Variants in OLFM3 observed in about 807,000 individuals in gnomAD.
The protein encoded by OLFM3 is noelin-3.
OLFM3 carries 20 observed loss-of-function variants against 48.6 expected under a neutral mutation model. That is an observed-to-expected ratio of 0.41 (90% CI 0.29 to 0.60). The LOEUF (loss-of-function observed/expected upper bound fraction) is 0.60. OLFM3 is among the 20% of genes least tolerant of loss of function. The pLI, the probability that OLFM3 is intolerant of heterozygous loss-of-function variation, is 0.28. For missense variants in OLFM3, 437 were observed against 544.3 expected (o/e 0.80, Z 1.96); for synonymous variants, 222 against 198.1 (o/e 1.12, Z -1.01).
chr1:101,863,059 G>A (rs1251918581), intron 1 of OLFM3, among the ~76,000 whole-genome samples: 1 of 149,324 alleles, frequency 6.7e-6, no homozygotes, highest in Non-Finnish European at 1.5e-5. Context: ...CTCCCATGTT[G>A]AAGCAATTCT....
chr1:101,970,560 T>C (rs1411348717), intron 1 of OLFM3, among the ~76,000 whole-genome samples: 1 of 152,220 alleles, frequency 6.6e-6, no homozygotes, highest in African/African-American at 2.4e-5. Flanking sequence ...TATTTACTGG[T>C]ACCTACTTCC....
rs371648520 is a variant in OLFM3 at position 101,992,813 on chromosome 1, G to A, written c.69+3935C>T. Among the ~76,000 whole-genome samples the A allele has an allele frequency of 2.2e-4, 34 of 152,182 alleles. No individual in the cohort carries two copies. The South Asian group carries it at 2.7e-3, about 12-fold the overall frequency. ...ATATAATTATTAAAATATTCCTACT[G>A]CTTATCATGCCTATAGGGCTTTAAA... On this transcript the variant is annotated intron_variant, in intron 1 of 5. Transcript: ENST00000370103.
chr1:101,918,672 GT>G (rs1659002237), intron 1 of OLFM3, among the ~76,000 whole-genome samples: 3 of 151,100 alleles, frequency 2.0e-5, no homozygotes, highest in East Asian at 3.9e-4. Context: ...CAGCTGCAAA[GT>G]TTTTTTGTCC....
intron 1 of OLFM3, among the ~76,000 whole-genome samples, chr1:101,962,659 A>T (rs1369261718): frequency 6.6e-6 from 1 of 152,202 alleles, no homozygotes; most frequent in Admixed American, 6.5e-5. Context: ...AGTCTTGATT[A>T]AGAAATTATC....
chr1:101,928,597 C>T (rs562330214), intron 1 of OLFM3, among the ~76,000 whole-genome samples: 1 of 152,188 alleles, frequency 6.6e-6, no homozygotes, highest in African/African-American at 2.4e-5. Flanking sequence ...TTCACTCATT[C>T]CTGGTGAACA....
chr1:101,971,335 T>A (rs182788348), intron 1 of OLFM3, among the ~76,000 whole-genome samples: 1 of 152,158 alleles, frequency 6.6e-6, no homozygotes, highest in East Asian at 1.9e-4. Context: ...AGTTTTTGCA[T>A]TGGAATTTGG....
chr1:101,890,413 T>C (rs779336645), intron 1 of OLFM3, among the ~76,000 whole-genome samples: 1 of 151,754 alleles, frequency 6.6e-6, no homozygotes, highest in African/African-American at 2.4e-5. Flanking sequence ...AGAAAACTAT[T>C]GTGAGGAAAT....
chr1:101,993,188 G>A (rs558802185), intron 1 of OLFM3, among the ~76,000 whole-genome samples: 1 of 152,248 alleles, frequency 6.6e-6, no homozygotes, highest in East Asian at 1.9e-4. Flanking sequence ...TTTGAAACCT[G>A]CTCAGTCATA....
chr1:101,906,850 AAT>A (rs1191023039), intron 1 of OLFM3, among the ~76,000 whole-genome samples: 1 of 152,198 alleles, frequency 6.6e-6, no homozygotes, highest in Non-Finnish European at 1.5e-5. Flanking sequence ...AAGCATTTCA[AAT>A]ATGACACACA....
intron 1 of OLFM3, among the ~76,000 whole-genome samples, chr1:101,978,159 G>T (rs1269923946): frequency 6.6e-6 from 1 of 152,110 alleles, no homozygotes; most frequent in Non-Finnish European, 1.5e-5. Flanking sequence ...TCCCTTGAGG[G>T]AGGTATTATT....
At chr1:101,962,355 A>G (rs1410946161) in intron 1 of OLFM3, among the ~76,000 whole-genome samples, 1 of 152,116 alleles carries the variant, frequency 6.6e-6, no homozygotes, top group Non-Finnish European at 1.5e-5. Flanking sequence ...AGTTATAGTA[A>G]AGTGGGCTTT....
intron 1 of OLFM3, among the ~76,000 whole-genome samples, chr1:101,940,994 G>A (rs369821384): frequency 9.2e-5 from 14 of 152,144 alleles, no homozygotes; most frequent in African/African-American, 3.4e-4. Flanking sequence ...ACAATAGGCT[G>A]TAGGTAAAAT....
chr1:101,903,721 G>C (rs1658463381), intron 1 of OLFM3, among the ~76,000 whole-genome samples: 3 of 151,962 alleles, frequency 2.0e-5, no homozygotes, highest in South Asian at 2.1e-4. Flanking sequence ...AAACCATTTT[G>C]TAAAAATACA....
intron 1 of OLFM3, chr1:101,847,099 T>C (rs188588087): frequency 2.9e-6 from 4 of 1,373,704 alleles, no homozygotes; most frequent in African/African-American, 1.4e-5. Flanking sequence ...CCAGCTCTAA[T>C]CACCCAGGAA....
chr1:101,932,885 C>T (rs1421707371), intron 1 of OLFM3, among the ~76,000 whole-genome samples: 1 of 151,906 alleles, frequency 6.6e-6, no homozygotes, highest in African/African-American at 2.4e-5. Flanking sequence ...AAAACCCAAT[C>T]CAAGGAATCT....
At chr1:101,987,006 G>A (rs1221443287) in intron 1 of OLFM3, among the ~76,000 whole-genome samples, 1 of 152,128 alleles carries the variant, frequency 6.6e-6, no homozygotes, top group Non-Finnish European at 1.5e-5. Flanking sequence ...TCTTTTAACT[G>A]TATTTGAATG....
chr1:101,854,944 CTCAA>C (rs1377112714), intron 1 of OLFM3, among the ~76,000 whole-genome samples: 2 of 152,048 alleles, frequency 1.3e-5, no homozygotes, highest in African/African-American at 2.4e-5. Flanking sequence ...ATGATCAGTG[CTCAA>C]TCAATGTTTG....
At chr1:101,992,180 A>G (rs1444614431) in intron 1 of OLFM3, among the ~76,000 whole-genome samples, 1 of 152,144 alleles carries the variant, frequency 6.6e-6, no homozygotes, top group Non-Finnish European at 1.5e-5. Context: ...TTCCCTCCCA[A>G]CAGAGCATCA....
chr1:101,936,313 C>CACCA (rs1197992586), intron 1 of OLFM3, among the ~76,000 whole-genome samples: 1 of 152,066 alleles, frequency 6.6e-6, no homozygotes, highest in Non-Finnish European at 1.5e-5. Context: ...AATTTCTATA[C>CACCA]ACCAACAATG....
Sources: allele counts gnomAD v4.1 joint callset (sites outside exome capture counted in the v4.1 genomes callset), GRCh38; gene constraint gnomAD v4.1.1; transcripts MANE v1.5; gene names NCBI Gene and HGNC (gene_info 2026-07-23, HGNC 2026-07-21).